SHOC1: variants seen among roughly 807,000 people sequenced by gnomAD.
SHOC1 encodes shortage in chiasmata 1.
SHOC1 carries 136 observed loss-of-function variants against 179.2 expected under a neutral mutation model. That is an observed-to-expected ratio of 0.76 (90% CI 0.66 to 0.87). The LOEUF is 0.87. Among genes scored for constraint, SHOC1 ranks in the 40% least tolerant of loss-of-function variants. The pLI is 0.00. For missense variants in SHOC1, 1,538 were observed against 1,700.8 expected (o/e 0.90, Z 1.68); for synonymous variants, 489 against 586.6 (o/e 0.83, Z 2.41).
In SHOC1 at chr9:111,691,961, T is replaced by C; in HGVS notation, c.4016A>G (p.Asn1339Ser). 6.2e-7 allele frequency: 1 copy of C among 1,613,776 alleles called. No individual in the cohort carries two copies. Among genetic ancestry groups the C allele is most frequent in the Non-Finnish European group, 8.5e-7 (1 of 1,179,842 alleles). The part of the protein sequence containing the change: ...RRTHEAKGFI[N>S]KDVSDPIFSL... ...AAAGATAGGGTCCGATACATCTTTA[T>C]TTATGAAACCTTTTGCTTCATGTGT... The change falls in exon 27 of 28, where the codon AAT (asparagine) becomes AGT (serine). Residue 1339 changes from asparagine (N) to serine (S), a missense_variant. Transcript: ENST00000682961.
At position 111,758,992 on chromosome 9, in the gene SHOC1, G is replaced by GAGCTACAGAGCTCTACAGTATAGAGCTA. The variant is rs1835010887; in HGVS notation, c.443-145_443-144insTAGCTCTATACTGTAGAGCTCTGTAGCT. The GAGCTACAGAGCTCTACAGTATAGAGCTA allele has an allele frequency of 1.1e-5, 10 of 876,632 alleles. No individual in the cohort carries two copies. In the East Asian group the frequency reaches 2.3e-4, roughly 20 times the overall value. The allele number at this position is 876,632 out of a possible 1,614,324, so 54.3% of individuals were successfully genotyped here. A position where few individuals can be genotyped will look rare whatever the true frequency, so the allele number is the denominator to read the frequency against. On this transcript the variant is annotated intron_variant, in intron 5 of 27. Coordinates refer to ENST00000682961, the MANE Select transcript of SHOC1 (RefSeq NM_001378211.1). ...ACTCTGTAGCTCTTCATTGTACTGT[G>GAGCTACAGAGCTCTACAGTATAGAGCTA]CATATAGAGCATGTAGCATAGTTCT...
rs758283416 is a variant in SHOC1 at position 111,722,414 on chromosome 9, C to A, written c.2126G>T (p.Arg709Leu). 3.8e-6 allele frequency: 6 copies of A among 1,589,096 alleles called. No homozygotes were observed. Among genetic ancestry groups the A allele is most frequent in the African/African-American group, 1.4e-5 (1 of 73,264 alleles). Reference sequence around the variant, plus strand: ...TGACTTTTATTTGTACTCACCTTGGCGAACAGCATCACTTACTACTTTTTC... The same window carrying A: ...TGACTTTTATTTGTACTCACCTTGGAGAACAGCATCACTTACTACTTTTTC... The part of the protein sequence containing the change: ...EQEKVVSDAV[R>L]QGTIDEREMT... The change falls in exon 15 of 28, where the codon CGC becomes CTC. Residue 709 changes from arginine to leucine, a missense_variant. Arg to Leu is a moderately radical substitution (Grantham distance 102). Transcript: ENST00000682961.
chr9:111,759,278 G>A, intron 5 of SHOC1: 1 of 1,613,122 alleles, frequency 6.2e-7, no homozygotes, highest in Non-Finnish European at 8.5e-7. Context: ...ATCCCCCAGA[G>A]TCTCTGACAT....
intron 13 of SHOC1, among the ~76,000 whole-genome samples, chr9:111,724,117 T>C (rs1356626876): frequency 1.3e-5 from 2 of 152,184 alleles, no homozygotes; most frequent in East Asian, 1.9e-4. Flanking sequence ...AAACCTTTGG[T>C]ATCAGATCAG....
At chr9:111,756,655 G>A (rs189264111) in intron 7 of SHOC1, among the ~76,000 whole-genome samples, 177 bp from the exon 8 acceptor site, 3 of 152,182 alleles carry the variant, frequency 2.0e-5, no homozygotes, top group Admixed American at 6.5e-5. Flanking sequence ...CTAAAAATAC[G>A]TTCTATTATA....
intron 5 of SHOC1, among the ~76,000 whole-genome samples, chr9:111,769,003 TG>T (rs1835463925): frequency 6.6e-6 from 1 of 152,206 alleles, no homozygotes; most frequent in Non-Finnish European, 1.5e-5. Flanking sequence ...CAGCACCTAT[TG>T]AAATAATCAT....
intron 5 of SHOC1, among the ~76,000 whole-genome samples, chr9:111,775,493 A>G (rs963779971): frequency 6.6e-6 from 1 of 152,178 alleles, no homozygotes; most frequent in Non-Finnish European, 1.5e-5. Context: ...CTGGATTGCT[A>G]TATCATGGGA....
At chr9:111,702,525 AT>A (rs1372701006) in intron 22 of SHOC1, among the ~76,000 whole-genome samples, 1 of 152,206 alleles carries the variant, frequency 6.6e-6, no homozygotes, top group Non-Finnish European at 1.5e-5. Context: ...GGCTAGTCCA[AT>A]TTTCTATTGC....
At chr9:111,748,051 G>T (rs762190592) in intron 9 of SHOC1, 41 bp downstream of exon 9, 12 of 1,305,686 alleles carry the variant, frequency 9.2e-6, no homozygotes, top group Non-Finnish European at 7.8e-6. Context: ...ATCATAAATA[G>T]GTAATCCCCA....
intron 15 of SHOC1, among the ~76,000 whole-genome samples, chr9:111,719,846 G>T (rs1034160351): frequency 3.9e-5 from 6 of 152,184 alleles, no homozygotes; most frequent in Middle Eastern, 3.4e-3. Flanking sequence ...GATTCAACTT[G>T]TTTTTCATTT....
chr9:111,715,900 T>C (rs566793974), intron 16 of SHOC1, among the ~76,000 whole-genome samples: 7 of 152,120 alleles, frequency 4.6e-5, no homozygotes, highest in Non-Finnish European at 1.0e-4. Context: ...AGAAACGCTA[T>C]TATTTGAACC....
At chr9:111,712,703 AG>A (rs1832609515) in intron 18 of SHOC1, among the ~76,000 whole-genome samples, 1 of 152,196 alleles carries the variant, frequency 6.6e-6, no homozygotes, top group Non-Finnish European at 1.5e-5. Context: ...CGAGAGTCCT[AG>A]GTTCAAATCC....
chr9:111,786,664 T>A (rs952708014), intron 2 of SHOC1, among the ~76,000 whole-genome samples: 1 of 152,162 alleles, frequency 6.6e-6, no homozygotes, highest in Admixed American at 6.5e-5. Flanking sequence ...TTATTCTATA[T>A]GTTATGATAA....
chr9:111,779,290 A>C (rs950364960), intron 4 of SHOC1, among the ~76,000 whole-genome samples: 1 of 152,162 alleles, frequency 6.6e-6, no homozygotes, highest in Non-Finnish European at 1.5e-5. Context: ...ATTCTGATTC[A>C]GTTAGTCCGT....
intron 3 of SHOC1, among the ~76,000 whole-genome samples, chr9:111,781,729 T>TAAATAAATAAAC (rs988752987): frequency 2.7e-5 from 4 of 149,220 alleles, no homozygotes; most frequent in African/African-American, 9.8e-5. Context: ...ACTCTGTAAA[T>TAAATAAATAAAC]AAATAAATAA....
In SHOC1 at chr9:111,703,872, T is replaced by C; in HGVS notation, c.2967+9A>G. 2 of 1,435,472 alleles carry C rather than the reference T, an allele frequency of 1.4e-6. No individual in the cohort carries two copies. The highest frequency in any genetic ancestry group is 2.0e-6 in the Non-Finnish European group (2 of 1,024,456). 88.9% of individuals were successfully genotyped at this position (1,435,472 alleles called of 1,614,324 possible). A position where few individuals can be genotyped will look rare whatever the true frequency, so the allele number is the denominator to read the frequency against. The stretch of plus-strand genomic sequence containing the variant: ...TATTTTAGTTTATATATTTTCTACC[T>C]AGTTTTACCTGCAAAATTATGGCAG... On this transcript the variant is annotated intron_variant, in intron 22 of 27. Transcript: ENST00000682961.
chr9:111,775,766 C>A (rs1178437821), intron 5 of SHOC1, 25 bp downstream of exon 5: 1 of 1,572,814 alleles, frequency 6.4e-7, no homozygotes, highest in African/African-American at 1.4e-5. Context: ...AAATGTTTTA[C>A]AACAATATAA....
At chr9:111,787,595 T>C (rs985870849) in intron 2 of SHOC1, among the ~76,000 whole-genome samples, 1 of 152,216 alleles carries the variant, frequency 6.6e-6, no homozygotes, top group Admixed American at 6.5e-5. Flanking sequence ...CTGCTTCTTA[T>C]GGATGAGCAA....
At chr9:111,734,606 C>A (rs138640140) in intron 12 of SHOC1, among the ~76,000 whole-genome samples, 1 of 152,062 alleles carries the variant, frequency 6.6e-6, no homozygotes. Flanking sequence ...AGTAAGAAAG[C>A]AGATTTTCTT....
Sources: gnomAD v4.1 joint callset for allele counts (sites outside exome capture counted in the v4.1 genomes callset) on GRCh38, gnomAD v4.1.1 for gene constraint, MANE v1.5 for transcripts, NCBI Gene and HGNC (gene_info 2026-07-23, HGNC 2026-07-21) for gene names.